Variants in ELMO1 observed in about 807,000 individuals in gnomAD.
ELMO1 encodes engulfment and cell motility 1.
In ELMO1, 26 loss-of-function variants were observed where a neutral mutation model predicts 98.9. The ratio of observed to expected loss-of-function variants is 0.26; its 90% CI spans 0.19 to 0.36. The LOEUF (loss-of-function observed/expected upper bound fraction) is 0.36. Ranked by LOEUF, ELMO1 falls within the 10% of genes least tolerant of loss-of-function variation. The pLI, the probability that ELMO1 is intolerant of heterozygous loss-of-function variation, is 1.00. For synonymous variants in ELMO1, 346 were observed against 346.0 expected, an observed-to-expected ratio of 1.00 and a Z score of 0.00; for missense variants, 627 against 935.2, an observed-to-expected ratio of 0.67 and a Z score of 4.30.
intron 15 of ELMO1, among the ~76,000 whole-genome samples, chr7:37,046,295 C>T (rs1346634144): frequency 6.6e-6 from 1 of 152,174 alleles, no homozygotes; most frequent in African/African-American, 2.4e-5. Context: ...TGCTTTTCTA[C>T]ACATATAAGT....
At chr7:37,004,484 C>A (rs1792907008) in intron 16 of ELMO1, among the ~76,000 whole-genome samples, 1 of 152,186 alleles carries the variant, frequency 6.6e-6, no homozygotes, top group Non-Finnish European at 1.5e-5. Flanking sequence ...TGCTGTCCAG[C>A]AGAAGAACAA....
intron 15 of ELMO1, among the ~76,000 whole-genome samples, chr7:37,019,300 T>C (rs1357173811): frequency 3.3e-5 from 5 of 152,222 alleles, no homozygotes; most frequent in Admixed American, 2.6e-4. Context: ...AGACTCCTCC[T>C]TTGCAGGGAG....
intron 13 of ELMO1, among the ~76,000 whole-genome samples, chr7:37,149,362 T>C (rs978972855): frequency 2.0e-5 from 3 of 152,200 alleles, no homozygotes; most frequent in Non-Finnish European, 4.4e-5. Flanking sequence ...AACACATACA[T>C]AGCAGTCACT....
chr7:37,178,192 C>T (rs1790601786), intron 13 of ELMO1, among the ~76,000 whole-genome samples: 3 of 151,962 alleles, frequency 2.0e-5, no homozygotes, highest in African/African-American at 7.3e-5. Context: ...CACAGTGCCA[C>T]GTGGCTGGGG....
At chr7:37,324,079 A>AC (rs541208607) in intron 2 of ELMO1, among the ~76,000 whole-genome samples, 7 of 150,464 alleles carry the variant, frequency 4.7e-5, no homozygotes, top group African/African-American at 9.8e-5. Flanking sequence ...TTCCCAGGAG[A>AC]CCCCCCAGCT....
chr7:37,375,582 A>G (rs766093883), intron 1 of ELMO1: 46 of 1,115,200 alleles, frequency 4.1e-5, no homozygotes, highest in Non-Finnish European at 5.5e-5. Context: ...GGAGGGAGTC[A>G]TGGTGGCCAA....
intron 16 of ELMO1, among the ~76,000 whole-genome samples, chr7:37,011,921 G>A (rs1295804448): frequency 1.3e-5 from 2 of 152,168 alleles, no homozygotes; most frequent in African/African-American, 4.8e-5. Flanking sequence ...ACACTTAGGA[G>A]GCTGCAGTTA....
At chr7:37,106,323 C>G (rs530101016) in intron 14 of ELMO1, among the ~76,000 whole-genome samples, 2 of 152,094 alleles carry the variant, frequency 1.3e-5, no homozygotes, top group Non-Finnish European at 2.9e-5. Context: ...GCTTCTCTCT[C>G]GTGACTGGGA....
chr7:37,040,065 C>A (rs73688463), intron 15 of ELMO1, among the ~76,000 whole-genome samples: 8 of 151,668 alleles, frequency 5.3e-5, no homozygotes. Context: ...TGTATGTGTG[C>A]GGACTGAGCA....
At chr7:37,173,252 A>G (rs1790290681) in intron 13 of ELMO1, among the ~76,000 whole-genome samples, 3 of 152,210 alleles carry the variant, frequency 2.0e-5, no homozygotes, top group Admixed American at 2.0e-4. Flanking sequence ...TGTCCTGGCC[A>G]GTATGGACCA....
chr7:37,015,736 G>C (rs1354591115), intron 15 of ELMO1, among the ~76,000 whole-genome samples: 1 of 152,238 alleles, frequency 6.6e-6, no homozygotes, highest in Non-Finnish European at 1.5e-5. Context: ...GATATGGAGG[G>C]AAGTGGTGGT....
At chr7:37,005,107 CAAAAAAAAAAAAAAA>C (rs35665315) in intron 16 of ELMO1, among the ~76,000 whole-genome samples, 1 of 38,292 alleles carries the variant, frequency 2.6e-5, no homozygotes, top group African/African-American at 7.1e-5. Flanking sequence ...GGCTCTGTCT[CAAAAAAAAAAAAAAA>C]AAAAAAAAAA....
intron 15 of ELMO1, among the ~76,000 whole-genome samples, chr7:37,071,637 A>C (rs1009227657): frequency 2.0e-5 from 3 of 152,214 alleles, no homozygotes; most frequent in African/African-American, 7.2e-5. Context: ...AGTACATTCA[A>C]CAAGTAAGGA....
At chr7:37,241,199 T>G (rs1002409449) in intron 7 of ELMO1, among the ~76,000 whole-genome samples, 27 of 152,110 alleles carry the variant, frequency 1.8e-4, no homozygotes, top group African/African-American at 5.8e-4. Flanking sequence ...GCATACACAT[T>G]TAAAATAAAA....
chr7:37,383,023 G>T (rs552988335), intron 1 of ELMO1, among the ~76,000 whole-genome samples: 16 of 152,230 alleles, frequency 1.1e-4, no homozygotes, highest in Non-Finnish European at 2.2e-4. Flanking sequence ...ATACTTCAAT[G>T]TATATTTCTA....
chr7:37,109,130 A>C (rs1479856607), intron 14 of ELMO1, among the ~76,000 whole-genome samples: 1 of 151,854 alleles, frequency 6.6e-6, no homozygotes, highest in Non-Finnish European at 1.5e-5. Context: ...TGGGGGGAAA[A>C]CTCACTTGGA....
intron 6 of ELMO1, among the ~76,000 whole-genome samples, chr7:37,250,237 C>T (rs1795268849): frequency 6.6e-6 from 1 of 152,044 alleles, no homozygotes; most frequent in Non-Finnish European, 1.5e-5. Context: ...AAAAATGAAA[C>T]AGTACGCATG....
At chr7:36,907,154 A>C (rs1201155143) in intron 16 of ELMO1, among the ~76,000 whole-genome samples, 1 of 152,132 alleles carries the variant, frequency 6.6e-6, no homozygotes, top group Non-Finnish European at 1.5e-5. Flanking sequence ...GTGCAAACAA[A>C]AAAAAAAATT....
intron 1 of ELMO1, among the ~76,000 whole-genome samples, chr7:37,431,720 C>T (rs1804939322): frequency 6.6e-6 from 1 of 152,152 alleles, no homozygotes; most frequent in African/African-American, 2.4e-5. Flanking sequence ...GGTAACTGTG[C>T]ACTGGGGAAA....
Sources: allele counts gnomAD v4.1 joint callset (sites outside exome capture counted in the v4.1 genomes callset), GRCh38; gene constraint gnomAD v4.1.1; transcripts MANE v1.5; gene names NCBI Gene and HGNC (gene_info 2026-07-23, HGNC 2026-07-21).